The following ETNK1 variants were observed in gnomAD, a reference collection of about 807,000 sequenced individuals.
The protein encoded by ETNK1 is ethanolamine kinase 1.
In ETNK1, 8 loss-of-function variants were observed where a neutral mutation model predicts 45.1. The observed-to-expected ratio is 0.18, with a 90% CI of 0.10 to 0.32. The LOEUF (loss-of-function observed/expected upper bound fraction) is 0.32. Ranked by LOEUF, ETNK1 falls within the 10% of genes least tolerant of loss-of-function variation. ETNK1 has a pLI of 1.00. For missense variants in ETNK1, 302 were observed against 430.6 expected, an observed-to-expected ratio of 0.70 and a Z score of 2.64; for synonymous variants, 152 against 151.9, an observed-to-expected ratio of 1.00 and a Z score of -0.01.
At chr12:22,626,102 G>GC in intron 1 of ETNK1, 1 of 337,426 alleles carries the variant, frequency 3.0e-6, no homozygotes, top group Non-Finnish European at 5.9e-6. Context: ...CCACGACCAT[G>GC]CATCGCTAGG....
intron 5 of ETNK1, among the ~76,000 whole-genome samples, 199 bp from the exon 6 acceptor site, chr12:22,673,301 A>G (rs543055862): frequency 6.6e-6 from 1 of 152,200 alleles, no homozygotes; most frequent in Non-Finnish European, 1.5e-5. Context: ...GATCAACAGT[A>G]ATGTGCCTTA....
At chr12:22,651,482 G>T (rs1177172051) in intron 2 of ETNK1, among the ~76,000 whole-genome samples, 1 of 152,020 alleles carries the variant, frequency 6.6e-6, no homozygotes, top group Non-Finnish European at 1.5e-5. Flanking sequence ...TTTGGGGGCT[G>T]CTTTCTATTA....
At chr12:22,643,443 A>G (rs569427705) in intron 1 of ETNK1, among the ~76,000 whole-genome samples, 1 of 152,154 alleles carries the variant, frequency 6.6e-6, no homozygotes, top group Non-Finnish European at 1.5e-5. Flanking sequence ...ATTGTGATAC[A>G]AGGCAGACTG....
In ETNK1 at chr12:22,687,116, A is replaced by T. The variant is rs1954266772; in HGVS notation, c.*2162A>T. ...TAAAGGCTCTCACTTTAGCTCTGGG[A>T]CTATGCAGTGGATCTTGGGAACAAA... On this transcript the variant is annotated 3_prime_UTR_variant, in exon 8 of 8. Transcript: ENST00000266517. The T allele has an allele frequency of 6.6e-6, 1 of 151,710 alleles. No homozygotes were observed. The highest frequency in any genetic ancestry group is 2.4e-5 in the African/African-American group (1 of 41,380). 9.4% of individuals were successfully genotyped at this position (151,710 alleles called of 1,614,324 possible).
At position 22,687,476 on chromosome 12, in the gene ETNK1, T is replaced by C. The variant is rs1954270585; in HGVS notation, c.*2522T>C. 1 of 152,316 alleles carries C rather than the reference T, an allele frequency of 6.6e-6. No individual in the cohort carries two copies. Among genetic ancestry groups the C allele is most frequent in the South Asian group, 2.1e-4 (1 of 4,832 alleles). 9.4% of individuals were successfully genotyped at this position (152,316 alleles called of 1,614,324 possible). A position where few individuals can be genotyped will look rare whatever the true frequency, so the allele number is the denominator to read the frequency against. ...CTGTAAGAAGTGGCATTCATGTATA[T>C]TCAATGTTAGTCAATAGACCATAGT... On this transcript the variant is annotated 3_prime_UTR_variant, in exon 8 of 8. Coordinates refer to ENST00000266517, the MANE Select transcript of ETNK1 (RefSeq NM_018638.5).
At chr12:22,644,268 C>CT in intron 2 of ETNK1, 1 of 1,608,712 alleles carries the variant, frequency 6.2e-7, no homozygotes, top group Non-Finnish European at 8.5e-7. Context: ...GATTAACCGG[C>CT]TGCAGAGGGT....
rs1954262070 is a variant in ETNK1, at chr12:22,686,570, C to G, written c.*1616C>G. On this transcript the variant is annotated 3_prime_UTR_variant, in exon 8 of 8. Coordinates refer to ENST00000266517, the MANE Select transcript of ETNK1 (RefSeq NM_018638.5). Reference sequence around the variant, plus strand: ...CACAGGCCATTTTAAATGGTAAATTCTAGTTACATAAATATAATCTTAAAG... The same window carrying G: ...CACAGGCCATTTTAAATGGTAAATTGTAGTTACATAAATATAATCTTAAAG... The G allele has an allele frequency of 6.6e-6, 1 of 152,278 alleles. No individual in the cohort carries two copies. Among genetic ancestry groups the G allele is most frequent in the African/African-American group, 2.4e-5 (1 of 41,396 alleles). 9.4% of individuals were successfully genotyped at this position (152,278 alleles called of 1,614,324 possible).
At chr12:22,658,365 G>C (rs1445564292) in intron 2 of ETNK1, among the ~76,000 whole-genome samples, 4 of 152,184 alleles carry the variant, frequency 2.6e-5, no homozygotes, top group Non-Finnish European at 5.9e-5. Flanking sequence ...CAGCTTCAGT[G>C]TATGTTCAGT....
chr12:22,681,630 GTA>G lies in ETNK1; in HGVS notation c.946-2841_946-2840del, dbSNP rs139883243. The stretch of plus-strand genomic sequence containing the variant: ...TAGAAGTCAAAATTCAAACATTTAA[GTA>G]TATATATATATTTAAAATAAACTCA... On this transcript the variant is annotated intron_variant, in intron 6 of 7. Coordinates refer to ENST00000266517, the MANE Select transcript of ETNK1 (RefSeq NM_018638.5). 9.6e-3 allele frequency among the ~76,000 whole-genome samples: 1,457 copies of G among 151,300 alleles called. 12 individuals carry two copies. Among genetic ancestry groups the G allele is most frequent in the Non-Finnish European group, 0.018 (1,197 of 67,748 alleles).
intron 7 of ETNK1, 52 bp from the exon 8 acceptor site, chr12:22,684,830 A>T: frequency 7.1e-7 from 1 of 1,417,722 alleles, no homozygotes; most frequent in Non-Finnish European, 9.8e-7. Flanking sequence ...TAAGGGAAGG[A>T]CCAAGTTTTT....
chr12:22,684,980 A>G lies in ETNK1; in HGVS notation c.*26A>G. 6.7e-7 allele frequency: 1 copy of G among 1,492,512 alleles called. No individual in the cohort carries two copies. Among genetic ancestry groups the G allele is most frequent in the Non-Finnish European group, 9.2e-7 (1 of 1,091,636 alleles). 92.5% of individuals were successfully genotyped at this position (1,492,512 alleles called of 1,614,324 possible). ...AGAAGAGATTTAATTATTCTCCAGT[A>G]GCTGAGCAATGCTTGTGAATCTTTT... On this transcript the variant is annotated 3_prime_UTR_variant, in exon 8 of 8. Coordinates refer to ENST00000266517, the MANE Select transcript of ETNK1 (RefSeq NM_018638.5).
At chr12:22,652,947 A>C (rs11046521) in intron 2 of ETNK1, among the ~76,000 whole-genome samples, 7,975 of 152,152 alleles carry the variant, frequency 0.052, 690 homozygotes, top group African/African-American at 0.18. Flanking sequence ...ATGTTTTCTC[A>C]TGAGAGTTTT....
At chr12:22,665,045 C>G (rs1261205426) in intron 4 of ETNK1, among the ~76,000 whole-genome samples, 2 of 152,104 alleles carry the variant, frequency 1.3e-5, no homozygotes, top group South Asian at 2.1e-4. Context: ...TAGAAAATCT[C>G]TAACTCTTAA....
chr12:22,632,059 G>GT (rs1953587531), intron 1 of ETNK1, among the ~76,000 whole-genome samples: 2 of 148,406 alleles, frequency 1.3e-5, no homozygotes, highest in South Asian at 4.4e-4. Flanking sequence ...CCTCCCTCTA[G>GT]TGGTAATCTT....
chr12:22,669,821 GA>G (rs142250493), intron 4 of ETNK1, among the ~76,000 whole-genome samples: 54,089 of 151,442 alleles, frequency 0.36, 10,017 homozygotes, highest in Non-Finnish European at 0.41. Context: ...AACAAAAAGA[GA>G]AAAAAAATAT....
At chr12:22,679,226 T>C (rs1954190157) in intron 6 of ETNK1, among the ~76,000 whole-genome samples, 2 of 152,212 alleles carry the variant, frequency 1.3e-5, no homozygotes, top group Admixed American at 6.5e-5. Context: ...CTGCCTTCAG[T>C]CTGTGGCCAA....
rs1954130941 is a variant in ETNK1, at chr12:22,673,513, A to G, written c.798A>G (p.Val266=). 1 of 1,611,198 alleles carries G rather than the reference A, an allele frequency of 6.2e-7. No individual in the cohort carries two copies. The highest frequency in any genetic ancestry group is 8.5e-7 in the Non-Finnish European group (1 of 1,178,436). The change falls in exon 6 of 8, where the codon GTA becomes GTG. Residue 266 remains valine (V), a synonymous_variant. Coordinates refer to ENST00000266517, the MANE Select transcript of ETNK1 (RefSeq NM_018638.5). ...TTTCTTCTAAAGGTGTGAGTGATGT[A>G]GACTATAGTCTGTATCCAGATAGAG... ...HFNEFAGVSD[V]DYSLYPDREL... is the part of the protein sequence containing the mutation.
At chr12:22,669,835 A>G (rs1001458737) in intron 4 of ETNK1, among the ~76,000 whole-genome samples, 13 of 152,056 alleles carry the variant, frequency 8.5e-5, no homozygotes, top group Non-Finnish European at 1.6e-4. Flanking sequence ...AAAAATATAT[A>G]ATACTTGAGG....
intron 6 of ETNK1, among the ~76,000 whole-genome samples, chr12:22,683,086 A>G (rs936702072): frequency 1.3e-5 from 2 of 152,170 alleles, no homozygotes; most frequent in African/African-American, 4.8e-5. Flanking sequence ...TATGACCTAC[A>G]TTTTACAGAT....
Sources: gnomAD v4.1 joint callset for allele counts (sites outside exome capture counted in the v4.1 genomes callset) on GRCh38, gnomAD v4.1.1 for gene constraint, MANE v1.5 for transcripts, NCBI Gene and HGNC (gene_info 2026-07-23, HGNC 2026-07-21) for gene names.